The following C1R variants were observed in gnomAD, a reference collection of about 807,000 sequenced individuals.
C1R encodes the protein complement C1r subcomponent.
A neutral mutation model predicts 27.6 loss-of-function variants in C1R; 15 were observed. The observed-to-expected ratio is 0.54, with a 90% CI of 0.36 to 0.84. The LOEUF (loss-of-function observed/expected upper bound fraction) is 0.84, where lower values mean the gene tolerates loss of function less well. C1R is among the 40% of genes least tolerant of loss of function. The pLI, the probability that C1R is intolerant of heterozygous loss-of-function variation, is 0.01. For synonymous variants in C1R, 253 were observed against 228.8 expected, an observed-to-expected ratio of 1.11 and a Z score of -0.95; for missense variants, 544 against 577.9, an observed-to-expected ratio of 0.94 and a Z score of 0.60.
At position 7,091,621 on chromosome 12, in the gene C1R, A is replaced by G. The variant is rs779610836; in HGVS notation, c.62T>C (p.Ile21Thr). 6.6e-6 allele frequency: 5 copies of G among 762,266 alleles called. No individual in the cohort carries two copies. Among genetic ancestry groups the G allele is most frequent in the East Asian group, 2.5e-5 (1 of 40,472 alleles). The allele number at this position is 762,266 out of a possible 1,614,324, so 47.2% of individuals were successfully genotyped here. Residue 21 changes from isoleucine to threonine, a missense_variant, in exon 2 of 11, where the codon ATC (isoleucine) becomes ACC (threonine). Physicochemically the swap from Ile to Thr is moderately conservative, Grantham distance 89. This residue lies in a region of C1R where 291 missense variants were observed against 209.0 expected (regional missense o/e 1.39). Coordinates refer to ENST00000647956, the MANE Select transcript of C1R (RefSeq NM_001733.7). This position sits in a 1 kb window ranked among gnomAD's most constrained non-coding sequence, Gnocchi z 5.1. ...LFCRAGGSIPIPQKLFGEVTS... is the reference protein window; with the variant it reads ...LFCRAGGSIPTPQKLFGEVTS... ...CACCTCCCCAAATAACTTCTGAGGG[A>G]TGGGAATGGAGCCTCCTGCCCTGCA...
In C1R at chr12:7,080,784, G is replaced by A. The variant is rs145532189; in HGVS notation, c.1866C>T (p.Asn622=). Residue 622 remains asparagine, a synonymous_variant, in exon 11 of 11, where the codon AAC becomes AAT. Transcript: ENST00000647956. The surrounding 1 kb of genome is among the most constrained non-coding windows in gnomAD (Gnocchi z 4.9). ...LPVANPQACE[N]WLRGKNRMDV... ...CCATCCTATTCTTTCCCCGGAGCCA[G>A]TTCTCACAGGCCTGTGGATTAGCTA... 163 of 1,614,006 alleles carry A rather than the reference G, an allele frequency of 1.0e-4. No individual in the cohort carries two copies. In the East Asian group the frequency reaches 3.5e-3, roughly 34 times the overall value.
In C1R at chr12:7,089,766, C is replaced by A. The variant is rs1442845439; in HGVS notation, c.425-33G>T. ...GCATTCAGGAAGGAGGGTTAAGCTT[C>A]TGCTGGGAGACCTGAGTAGTGGCTC... is the stretch of plus-strand genomic sequence containing the variant. On this transcript the variant is annotated intron_variant, in intron 3 of 10. Coordinates refer to ENST00000647956, the MANE Select transcript of C1R (RefSeq NM_001733.7). The A allele has an allele frequency of 6.4e-6, 5 of 776,904 alleles. No homozygotes were observed. The Admixed American group carries it at 8.5e-5, about 13-fold the overall frequency. The allele number at this position is 776,904 out of a possible 1,614,324, so 48.1% of individuals were successfully genotyped here. A position where few individuals can be genotyped will look rare whatever the true frequency, so the allele number is the denominator to read the frequency against.
Position 7,088,742 on chromosome 12 carries a change from G to T in C1R, c.917-11C>A, listed in dbSNP as rs761215557. On this transcript the variant is annotated splice_polypyrimidine_tract_variant and intron_variant, in intron 6 of 10. Transcript: ENST00000647956. ...GGGGGCACTTGATGACTGTTGGGGA[G>T]ACCAGGGGGCATATTTATTTCAGAG... 1 of 777,504 alleles carries T rather than the reference G, an allele frequency of 1.3e-6. No homozygotes were observed. The highest frequency in any genetic ancestry group is 1.4e-5 in the South Asian group (1 of 73,692). 48.2% of individuals were successfully genotyped at this position (777,504 alleles called of 1,614,324 possible).
intron 9 of C1R, among the ~76,000 whole-genome samples, chr12:7,085,065 ATGATAGTGG>A (rs1416701133): frequency 7.8e-5 from 9 of 115,596 alleles, no homozygotes; most frequent in Non-Finnish European, 1.4e-4. Flanking sequence ...GGTGTTGGTA[ATGATAGTGG>A]TGATGGTGGT....
Position 7,080,480 on chromosome 12 carries a change from G to GTT in C1R, c.*50_*51dup. 84 of 1,221,318 alleles carry GTT rather than the reference G, an allele frequency of 6.9e-5. No homozygotes were observed. The highest frequency in any genetic ancestry group is 2.9e-4 in the South Asian group (17 of 59,420). 75.7% of individuals were successfully genotyped at this position (1,221,318 alleles called of 1,614,324 possible). On this transcript the variant is annotated 3_prime_UTR_variant, in exon 11 of 11. Coordinates refer to ENST00000647956, the MANE Select transcript of C1R (RefSeq NM_001733.7). The surrounding 1 kb of genome is among the most constrained non-coding windows in gnomAD (Gnocchi z 4.9). ...ATCAACAACTGGTCAGTTGTTTTTT[G>GTT]TTTTTTTTTTTCCACACTGCTCTCT...
rs1232507665 is a variant in C1R, at chr12:7,080,705, C to A, written c.1945G>T (p.Ala649Ser). ...CAGHPSLKQD[A>S]CQGDSGGVFA... The stretch of plus-strand genomic sequence containing the variant: ...ACGCCCCCACTATCCCCCTGGCAGG[C>A]GTCCTGCTTTAGAGATGGGTGTCCA... Residue 649 changes from alanine (A) to serine (S), a missense_variant, in exon 11 of 11, where the codon GCC becomes TCC. Ala to Ser is a moderately conservative substitution (Grantham distance 99, BLOSUM62 1). This residue lies in a region of C1R where 253 missense variants were observed against 368.9 expected (regional missense o/e 0.69). Coordinates refer to ENST00000647956, the MANE Select transcript of C1R (RefSeq NM_001733.7). This position sits in a 1 kb window ranked among gnomAD's most constrained non-coding sequence, Gnocchi z 4.9. The A allele has an allele frequency of 1.2e-6, 2 of 1,614,004 alleles. No homozygotes were observed. Among genetic ancestry groups the A allele is most frequent in the Non-Finnish European group, 1.7e-6 (2 of 1,179,880 alleles).
In C1R at chr12:7,091,769, A is replaced by G; in HGVS notation, c.3-89T>C. The G allele has an allele frequency of 1.4e-6, 1 of 715,690 alleles. No individual in the cohort carries two copies. Among genetic ancestry groups the G allele is most frequent in the Non-Finnish European group, 2.6e-6 (1 of 385,016 alleles). 44.3% of individuals were successfully genotyped at this position (715,690 alleles called of 1,614,324 possible). A position where few individuals can be genotyped will look rare whatever the true frequency, so the allele number is the denominator to read the frequency against. ...GGCTGTGGCAGGGGATGAGACGGCCATACCACTGGGCATTCTCCTCTCTGC... is the reference window on the plus strand; with the variant it reads ...GGCTGTGGCAGGGGATGAGACGGCCGTACCACTGGGCATTCTCCTCTCTGC... On this transcript the variant is annotated intron_variant, in intron 1 of 10. Coordinates refer to ENST00000647956, the MANE Select transcript of C1R (RefSeq NM_001733.7). The surrounding 1 kb of genome is among the most constrained non-coding windows in gnomAD (Gnocchi z 5.1).
Position 7,089,669 on chromosome 12 carries a change from G to T in C1R, c.489C>A (p.His163Gln). 1 of 780,932 alleles carries T rather than the reference G, an allele frequency of 1.3e-6. No homozygotes were observed. Among genetic ancestry groups the T allele is most frequent in the Non-Finnish European group, 2.4e-6 (1 of 418,000 alleles). The allele number at this position is 780,932 out of a possible 1,614,324, so 48.4% of individuals were successfully genotyped here. A position where few individuals can be genotyped will look rare whatever the true frequency, so the allele number is the denominator to read the frequency against. Residue 163 changes from histidine to glutamine, a missense_variant, in exon 4 of 11, where the codon CAC (histidine) becomes CAA (glutamine). His to Gln is a conservative substitution (Grantham distance 24). Coordinates refer to ENST00000647956, the MANE Select transcript of C1R (RefSeq NM_001733.7). Reference sequence around the variant, plus strand: ...AGCCTCCAACGTAGTTGTGACACAGGTGCTGGCACTGGGGCTGGGGATCCT... The same window carrying T: ...AGCCTCCAACGTAGTTGTGACACAGTTGCTGGCACTGGGGCTGGGGATCCT... ...GEEDPQPQCQ[H>Q]LCHNYVGGYF...
At chr12:7,090,491 GT>G (rs1163764857) in intron 2 of C1R, 4 of 501,188 alleles carry the variant, frequency 8.0e-6, no homozygotes, top group Non-Finnish European at 1.4e-5. Context: ...CCCTTTCCCT[GT>G]TTTCTGCTCC....
Position 7,080,978 on chromosome 12 carries a change from T to A in C1R, c.1672A>T (p.Ile558Phe). The change falls in exon 11 of 11, where the codon ATC becomes TTC. Residue 558 changes from isoleucine (I) to phenylalanine (F), a missense_variant. Coordinates refer to ENST00000647956, the MANE Select transcript of C1R (RefSeq NM_001733.7). The surrounding 1 kb of genome is among the most constrained non-coding windows in gnomAD (Gnocchi z 4.9). ...CTATTTTCCAGCTCCAGCAGGGCGATGTCCCCCTCAAAATTGTAGGACTCA... is the reference window on the plus strand; with the variant it reads ...CTATTTTCCAGCTCCAGCAGGGCGAAGTCCCCCTCAAAATTGTAGGACTCA... ...QDESYNFEGD[I>F]ALLELENSVT... 1 of 1,613,894 alleles carries A rather than the reference T, an allele frequency of 6.2e-7. No individual in the cohort carries two copies. Among genetic ancestry groups the A allele is most frequent in the Non-Finnish European group, 8.5e-7 (1 of 1,179,774 alleles).
intron 3 of C1R, 103 bp from the exon 4 acceptor site, chr12:7,089,836 T>G: frequency 1.4e-6 from 1 of 718,562 alleles, no homozygotes; most frequent in Non-Finnish European, 2.6e-6. Flanking sequence ...GACAAAGGCA[T>G]CTTTAGGCCA....
rs1938158072 is a variant in C1R at position 7,086,454 on chromosome 12, T to C, written c.1042A>G (p.Asn348Asp). The C allele has an allele frequency of 2.8e-5, 11 of 398,548 alleles. No individual in the cohort carries two copies. The highest frequency in any genetic ancestry group is 8.8e-6 in the Non-Finnish European group (2 of 226,102). 24.7% of individuals were successfully genotyped at this position (398,548 alleles called of 1,614,324 possible). The stretch of plus-strand genomic sequence containing the variant: ...GCTGTGAAGGAATGCAGCACCTGGT[T>C]CCCCTGTTGAGCAGAGGATAGAGGT... ...CKQGYQLIEG[N>D]QVLHSFTAVC... Residue 348 changes from asparagine (N) to aspartate (D), a missense_variant, in exon 8 of 11, where the codon AAC (asparagine) becomes GAC (aspartate). Physicochemically the swap from Asn to Asp is conservative, Grantham distance 23 (BLOSUM62 1). Coordinates refer to ENST00000647956, the MANE Select transcript of C1R (RefSeq NM_001733.7).
intron 7 of C1R, chr12:7,087,541 G>A (rs950528383): frequency 5.8e-5 from 9 of 154,518 alleles, no homozygotes; most frequent in Admixed American, 2.6e-4. Flanking sequence ...AATAACAAAT[G>A]CAAAAGTAAG....
intron 2 of C1R, among the ~76,000 whole-genome samples, chr12:7,090,634 G>A (rs1565631502): frequency 6.6e-6 from 1 of 152,072 alleles, no homozygotes; most frequent in Non-Finnish European, 1.5e-5. Flanking sequence ...TTTATTTTCT[G>A]TCTTCAGATT....
chr12:7,080,371 A>T lies in C1R; in HGVS notation c.*161T>A. 1 of 1,366,252 alleles carries T rather than the reference A, an allele frequency of 7.3e-7. No individual in the cohort carries two copies. The highest frequency in any genetic ancestry group is 9.4e-7 in the Non-Finnish European group (1 of 1,063,920). The allele number at this position is 1,366,252 out of a possible 1,614,324, so 84.6% of individuals were successfully genotyped here. ...GGGGCCCTTTGGGTTGTTTCAGGTA[A>T]AGTACATCAATGGGACTACAGGAAA... is the stretch of plus-strand genomic sequence containing the variant. On this transcript the variant is annotated 3_prime_UTR_variant, in exon 11 of 11. Transcript: ENST00000647956. This position sits in a 1 kb window ranked among gnomAD's most constrained non-coding sequence, Gnocchi z 4.9.
rs1040410784 is a variant in C1R, at chr12:7,080,222, C to T, written c.*310G>A. 6 of 893,618 alleles carry T rather than the reference C, an allele frequency of 6.7e-6. No homozygotes were observed. Among genetic ancestry groups the T allele is most frequent in the Admixed American group, 1.1e-4 (2 of 18,568 alleles). The allele number at this position is 893,618 out of a possible 1,614,324, so 55.4% of individuals were successfully genotyped here. A position where few individuals can be genotyped will look rare whatever the true frequency, so the allele number is the denominator to read the frequency against. On this transcript the variant is annotated 3_prime_UTR_variant, in exon 11 of 11. Transcript: ENST00000647956. This position sits in a 1 kb window ranked among gnomAD's most constrained non-coding sequence, Gnocchi z 4.9. ...ACTTTTGACTCATTTTGCACACTGG[C>T]ATTTCTCATAAAACTTTATTTGGAA...
intron 9 of C1R, among the ~76,000 whole-genome samples, chr12:7,083,032 C>T (rs1386288573): frequency 6.6e-6 from 1 of 152,116 alleles, no homozygotes; most frequent in East Asian, 1.9e-4. Flanking sequence ...TGTTTCAAAC[C>T]TATAATGCAT....
Position 7,089,734 on chromosome 12 carries a change from C to A in C1R, c.425-1G>T. On this transcript the variant is annotated splice_acceptor_variant, in intron 3 of 10. Coordinates refer to ENST00000647956, the MANE Select transcript of C1R (RefSeq NM_001733.7). LOFTEE classifies it high-confidence loss of function. ...CTCCGGGAAGCACATTCATCAAGGT[C>A]TGGAAGGCATTCAGGAAGGAGGGTT... 1.3e-6 allele frequency: 1 copy of A among 780,666 alleles called. No individual in the cohort carries two copies. Among genetic ancestry groups the A allele is most frequent in the Non-Finnish European group, 2.4e-6 (1 of 417,916 alleles). The allele number at this position is 780,666 out of a possible 1,614,324, so 48.4% of individuals were successfully genotyped here.
In C1R at chr12:7,080,344, A is replaced by G; in HGVS notation, c.*188T>C. The G allele has an allele frequency of 7.5e-7, 1 of 1,333,014 alleles. No homozygotes were observed. Among genetic ancestry groups the G allele is most frequent in the Non-Finnish European group, 9.6e-7 (1 of 1,046,698 alleles). The allele number at this position is 1,333,014 out of a possible 1,614,324, so 82.6% of individuals were successfully genotyped here. On this transcript the variant is annotated 3_prime_UTR_variant, in exon 11 of 11. Transcript: ENST00000647956. This position sits in a 1 kb window ranked among gnomAD's most constrained non-coding sequence, Gnocchi z 4.9. ...TCCTCTGCAATCCTCAGAAGAAAGA[A>G]AGGGGCCCTTTGGGTTGTTTCAGGT...
Sources: allele counts gnomAD v4.1 joint callset (sites outside exome capture counted in the v4.1 genomes callset), GRCh38; gene constraint gnomAD v4.1.1; regional missense constraint gnomAD v4.1.1; non-coding constraint Gnocchi (gnomAD v3.1); transcripts MANE v1.5; gene names NCBI Gene and HGNC (gene_info 2026-07-23, HGNC 2026-07-21).